The following LINS1 variants were observed in gnomAD, a reference collection of about 807,000 sequenced individuals.
The protein encoded by LINS1 is lines homolog 1, also known as protein Lines homolog 1.
LINS1 carries 27 observed loss-of-function variants against 41.6 expected under a neutral mutation model. The observed-to-expected ratio is 0.65, with a 90% CI of 0.48 to 0.89. The LOEUF (loss-of-function observed/expected upper bound fraction) is 0.89, where lower values mean the gene tolerates loss of function less well. LINS1 is among the 40% of genes least tolerant of loss of function. The probability of loss-of-function intolerance (pLI) is 0.00; values close to 1 mark genes in which losing one functional copy is unlikely to be tolerated. For missense variants in LINS1, 955 were observed against 884.1 expected, an observed-to-expected ratio of 1.08 and a Z score of -1.02; for synonymous variants, 336 against 312.9, an observed-to-expected ratio of 1.07 and a Z score of -0.78.
chr15:100,575,007 TC>T lies in LINS1; in HGVS notation c.610del (p.Asp204IlefsTer10), dbSNP rs1875231479. On this transcript the variant is annotated frameshift_variant, in exon 4 of 7. Transcript: ENST00000314742. LOFTEE classifies it high-confidence loss of function. ...CATACCTGTTTTCTGTGAACATGAATCTTTAAAGATTTCTTTTATTATTGCT... is the reference window on the plus strand; with the variant it reads ...CATACCTGTTTTCTGTGAACATGAATTTTAAAGATTTCTTTTATTATTGCT... ...LTAIIKEIFK[D>X]SCSQKTEILK... 1 of 1,612,800 alleles carries T rather than the reference TC, an allele frequency of 6.2e-7. No individual in the cohort carries two copies. The highest frequency in any genetic ancestry group is 1.3e-5 in the African/African-American group (1 of 74,894).
chr15:100,596,751 C>A (rs1419060646), intron 1 of LINS1, among the ~76,000 whole-genome samples: 1 of 152,192 alleles, frequency 6.6e-6, no homozygotes, highest in Non-Finnish European at 1.5e-5. Flanking sequence ...AAAGGGCTAC[C>A]TGGGGACCAG....
intron 4 of LINS1, among the ~76,000 whole-genome samples, chr15:100,574,674 C>G (rs150714988): frequency 3.9e-5 from 6 of 152,254 alleles, no homozygotes; most frequent in Non-Finnish European, 8.8e-5. Flanking sequence ...TGCCATTGCA[C>G]TCCAGCCTGG....
At chr15:100,591,117 C>T (rs1050509698) in intron 1 of LINS1, among the ~76,000 whole-genome samples, 2 of 152,086 alleles carry the variant, frequency 1.3e-5, no homozygotes, top group South Asian at 2.1e-4. Flanking sequence ...GCAGAGGTTG[C>T]AGTGAGCCAA....
intron 3 of LINS1, among the ~76,000 whole-genome samples, chr15:100,577,597 C>A (rs1234805016): frequency 1.3e-5 from 2 of 152,192 alleles, no homozygotes; most frequent in African/African-American, 4.8e-5. Flanking sequence ...GGCCATACTG[C>A]CCAAGGTAGT....
chr15:100,595,336 A>AC (rs1555435232), intron 1 of LINS1, among the ~76,000 whole-genome samples: 2 of 54,294 alleles, frequency 3.7e-5, no homozygotes, highest in Non-Finnish European at 8.9e-5. Context: ...AAAACTCAAC[A>AC]TTAAAAAAAA....
chr15:100,574,281 GTCT>G (rs1567718241), intron 4 of LINS1, 40 bp from the exon 5 acceptor site: 1 of 1,182,752 alleles, frequency 8.5e-7, no homozygotes, highest in East Asian at 2.3e-5. Flanking sequence ...AGGAAAAACA[GTCT>G]TCTTCAAACA....
In LINS1 at chr15:100,575,072, A is replaced by C; in HGVS notation, c.546T>G (p.Ser182=). Residue 182 remains serine (S), a synonymous_variant, in exon 4 of 7, where the codon TCT becomes TCG. Coordinates refer to ENST00000314742, the MANE Select transcript of LINS1 (RefSeq NM_001040616.3). ...GGCAGTATATTGCTTTATTACTCTCAGAGTATTCAGAAAGATTTTTCTGGC... is the reference window on the plus strand; with the variant it reads ...GGCAGTATATTGCTTTATTACTCTCCGAGTATTCAGAAAGATTTTTCTGGC... The part of the protein sequence containing the change: ...AFCQKNLSEY[S]ESNKAIYCLW... The C allele has an allele frequency of 6.2e-7, 1 of 1,612,582 alleles. No individual in the cohort carries two copies. Among genetic ancestry groups the C allele is most frequent in the Non-Finnish European group, 8.5e-7 (1 of 1,179,208 alleles).
In LINS1 at chr15:100,588,118, T is replaced by C. The variant is rs140182705; in HGVS notation, c.-103-7173A>G. ...GAATTCTGAGGCTGGTCTTAAGCTG[T>C]AGTGAATCTGGTGTGCTCTGTGTGT... On this transcript the variant is annotated intron_variant, in intron 1 of 6. Coordinates refer to ENST00000314742, the MANE Select transcript of LINS1 (RefSeq NM_001040616.3). Among the ~76,000 whole-genome samples the C allele has an allele frequency of 1.6e-3, 246 of 152,376 alleles. 3 individuals carry two copies. The highest frequency in any genetic ancestry group is 0.015 in the South Asian group (72 of 4,832).
chr15:100,573,300 C>A, intron 5 of LINS1: 1 of 911,522 alleles, frequency 1.1e-6, no homozygotes, highest in Non-Finnish European at 1.4e-6. Flanking sequence ...TGGTCACGCA[C>A]CTGCAGTTTA....
At chr15:100,597,436 T>G (rs2039297888) in intron 1 of LINS1, among the ~76,000 whole-genome samples, 1 of 152,176 alleles carries the variant, frequency 6.6e-6, no homozygotes, top group South Asian at 2.1e-4. Context: ...ACTTTGGAGA[T>G]TCTGATTTAG....
intron 1 of LINS1, among the ~76,000 whole-genome samples, chr15:100,589,541 C>A (rs1054612025): frequency 6.6e-6 from 1 of 152,118 alleles, no homozygotes; most frequent in African/African-American, 2.4e-5. Context: ...CATGGAGGAC[C>A]AGGTTGGTCA....
At chr15:100,592,707 T>A (rs1216868959) in intron 1 of LINS1, among the ~76,000 whole-genome samples, 3 of 152,184 alleles carry the variant, frequency 2.0e-5, no homozygotes, top group Admixed American at 2.0e-4. Flanking sequence ...ATTGTTCTAG[T>A]CCCATAGGAA....
At chr15:100,587,285 C>G (rs2038851502) in intron 1 of LINS1, among the ~76,000 whole-genome samples, 2 of 151,138 alleles carry the variant, frequency 1.3e-5, no homozygotes, top group African/African-American at 4.9e-5. Context: ...ACTATGTCTA[C>G]TGTTTTGCAT....
At chr15:100,570,302 G>A (rs2037753398) in intron 6 of LINS1, 185 bp from the exon 7 acceptor site, 1 of 489,000 alleles carries the variant, frequency 2.0e-6, no homozygotes, top group Non-Finnish European at 3.6e-6. Flanking sequence ...ATCTGACTCA[G>A]TAAAGCAAAA....
At chr15:100,575,512 AG>A (rs2038116864) in intron 3 of LINS1, among the ~76,000 whole-genome samples, 1 of 152,180 alleles carries the variant, frequency 6.6e-6, no homozygotes, top group Admixed American at 6.5e-5. Context: ...AAGAGCACCC[AG>A]ATTCATAAAG....
At chr15:100,596,372 A>T (rs2039244523) in intron 1 of LINS1, among the ~76,000 whole-genome samples, 3 of 152,030 alleles carry the variant, frequency 2.0e-5, no homozygotes, top group Admixed American at 2.0e-4. Context: ...AGATAGTGAG[A>T]ATACAAACTC....
chr15:100,586,570 TA>T (rs904145627), intron 1 of LINS1, among the ~76,000 whole-genome samples: 7 of 152,220 alleles, frequency 4.6e-5, no homozygotes, highest in Non-Finnish European at 1.0e-4. Context: ...TTTAGGTTAC[TA>T]AGAATTCTAG....
chr15:100,589,208 T>C (rs547480547), intron 1 of LINS1, among the ~76,000 whole-genome samples: 2 of 152,352 alleles, frequency 1.3e-5, no homozygotes, highest in African/African-American at 4.8e-5. Flanking sequence ...AAAGGTGTTG[T>C]TGGTAAAAGA....
chr15:100,569,252 T>A lies in LINS1; in HGVS notation c.2260A>T (p.Met754Leu). The A allele has an allele frequency of 6.3e-7, 1 of 1,589,432 alleles. No individual in the cohort carries two copies. Among genetic ancestry groups the A allele is most frequent in the East Asian group, 2.2e-5 (1 of 44,758 alleles). The change falls in exon 7 of 7, where the codon ATG becomes TTG. Residue 754 changes from methionine to leucine, a missense_variant. By Grantham distance (15) the Met-to-Leu change is conservative. Transcript: ENST00000314742. The part of the protein sequence containing the change: ...KYIEVISNKT[M>L]NTL ...ATGTCAATGTTTTACAAAGTGTTCATAGTTTTATTACTTATCACCTCTATG... is the reference window on the plus strand; with the variant it reads ...ATGTCAATGTTTTACAAAGTGTTCAAAGTTTTATTACTTATCACCTCTATG...
Sources: allele counts gnomAD v4.1 joint callset (sites outside exome capture counted in the v4.1 genomes callset), GRCh38; gene constraint gnomAD v4.1.1; transcripts MANE v1.5; gene names NCBI Gene and HGNC (gene_info 2026-07-23, HGNC 2026-07-21).